The following AGXT2 variants were observed in gnomAD, a reference collection of about 807,000 sequenced individuals.
The protein encoded by AGXT2 is alanine--glyoxylate aminotransferase 2, mitochondrial.
Under a neutral mutation model 62.5 loss-of-function variants are expected in AGXT2, and 61 were observed. That is an observed-to-expected ratio of 0.98 (90% confidence interval 0.79 to 1.21). The LOEUF (loss-of-function observed/expected upper bound fraction) is 1.21, where lower values mean the gene tolerates loss of function less well. AGXT2 is among the 50% of genes most tolerant of loss of function. The pLI, the probability that AGXT2 is intolerant of heterozygous loss-of-function variation, is 0.00. For synonymous variants in AGXT2, 243 were observed against 218.7 expected, an observed-to-expected ratio of 1.11 and a Z score of -0.98; for missense variants, 666 against 641.5, an observed-to-expected ratio of 1.04 and a Z score of -0.41.
At chr5:35,017,357 C>G (rs1227906552) in intron 9 of AGXT2, among the ~76,000 whole-genome samples, 4 of 152,058 alleles carry the variant, frequency 2.6e-5, no homozygotes, top group African/African-American at 4.8e-5. Flanking sequence ...TGGCTGTGTC[C>G]CCACCCAAAT....
In AGXT2 at chr5:35,036,937, T is replaced by A; in HGVS notation, c.486+5A>T. On this transcript the variant is annotated splice_donor_5th_base_variant and intron_variant, in intron 4 of 13. Transcript: ENST00000231420. ...CATTCACCTCCTGCAGGAAGAGCAT[T>A]GTACCTTAAGAGGCTCAGGAAGAAG... The A allele has an allele frequency of 6.2e-7, 1 of 1,613,930 alleles. No individual in the cohort carries two copies. Among genetic ancestry groups the A allele is most frequent in the Non-Finnish European group, 8.5e-7 (1 of 1,179,962 alleles).
At chr5:35,014,592 G>T (rs963172067) in intron 9 of AGXT2, among the ~76,000 whole-genome samples, 27 of 151,826 alleles carry the variant, frequency 1.8e-4, no homozygotes, top group African/African-American at 6.1e-4. Context: ...CTTAATTTGT[G>T]CCTGAGCTAT....
chr5:35,045,953 C>G (rs534234723), intron 1 of AGXT2, among the ~76,000 whole-genome samples: 2 of 151,906 alleles, frequency 1.3e-5, no homozygotes, highest in East Asian at 3.9e-4. Context: ...ACTTTTAGTA[C>G]AGACAGGGTT....
At chr5:34,998,983 G>A (rs2112151859) in intron 13 of AGXT2, among the ~76,000 whole-genome samples, 157 bp from the exon 14 acceptor site, 1 of 152,184 alleles carries the variant, frequency 6.6e-6, no homozygotes, top group Non-Finnish European at 1.5e-5. Flanking sequence ...CTGAATCCAG[G>A]CCATTCACCC....
chr5:35,025,433 A>G (rs980501379), intron 9 of AGXT2, among the ~76,000 whole-genome samples: 1 of 152,192 alleles, frequency 6.6e-6, no homozygotes, highest in East Asian at 1.9e-4. Flanking sequence ...TAAATTTCCT[A>G]TGATGTTTGT....
chr5:35,033,029 CTGATTTCAA>C, intron 6 of AGXT2: 1 of 577,732 alleles, frequency 1.7e-6, no homozygotes. Context: ...ACAAAGGAAA[CTGATTTCAA>C]TGTTAGCCTG....
intron 5 of AGXT2, among the ~76,000 whole-genome samples, chr5:35,033,894 G>A (rs1427557863): frequency 1.3e-5 from 2 of 152,046 alleles, no homozygotes; most frequent in African/African-American, 2.4e-5. Context: ...ACCAGTCTTC[G>A]AAGTAGTCGC....
At chr5:35,022,533 T>C (rs1017787755) in intron 9 of AGXT2, among the ~76,000 whole-genome samples, 1 of 121,804 alleles carries the variant, frequency 8.2e-6, no homozygotes, top group African/African-American at 3.2e-5. Context: ...TGAGAACACG[T>C]GGACACAGGA....
chr5:35,030,907 TA>T (rs1767538735), intron 7 of AGXT2, among the ~76,000 whole-genome samples: 1 of 152,240 alleles, frequency 6.6e-6, no homozygotes. Context: ...TGTTTTTCTC[TA>T]CAAAAGTTCT....
At chr5:35,041,213 C>T (rs1291479225) in intron 1 of AGXT2, among the ~76,000 whole-genome samples, 1 of 104,626 alleles carries the variant, frequency 9.6e-6, no homozygotes, top group Non-Finnish European at 2.0e-5. Context: ...AAGACAAAAC[C>T]TCCCCCCGCC....
chr5:35,036,819 C>G (rs1477002417), intron 4 of AGXT2, 123 bp downstream of exon 4: 1 of 1,438,352 alleles, frequency 7.0e-7, no homozygotes, highest in African/African-American at 1.4e-5. Context: ...AATTCCCTGC[C>G]CATGTCCCTG....
intron 9 of AGXT2, among the ~76,000 whole-genome samples, chr5:35,019,944 C>T (rs1395146684): frequency 1.3e-5 from 2 of 152,238 alleles, no homozygotes; most frequent in Admixed American, 1.3e-4. Flanking sequence ...ACTACAACCA[C>T]CTCTATGCAA....
chr5:35,034,025 C>T (rs455423), intron 5 of AGXT2, among the ~76,000 whole-genome samples: 21,475 of 152,036 alleles, frequency 0.14, 3,191 homozygotes, highest in African/African-American at 0.38. Flanking sequence ...TTCTTTTGAA[C>T]GTGAAACAGT....
Position 34,998,756 on chromosome 5 carries a change from G to T in AGXT2, c.1508C>A (p.Ser503Tyr). The T allele has an allele frequency of 6.2e-7, 1 of 1,613,918 alleles. No homozygotes were observed. The highest frequency in any genetic ancestry group is 8.5e-7 in the Non-Finnish European group (1 of 1,179,900). Residue 503 changes from serine to tyrosine, a missense_variant, in exon 14 of 14, where the codon TCT becomes TAT. By Grantham distance (144) the Ser-to-Tyr change is moderately radical. Transcript: ENST00000231420. ...EVDFAVEVFR[S>Y]ALTQHMERRA... is the part of the protein sequence containing the mutation. ...TCTTTCCATGTGTTGGGTTAAGGCA[G>T]AACGAAATACTTCTACTGCAAAATC... is the stretch of plus-strand genomic sequence containing the variant.
intron 6 of AGXT2, chr5:35,033,109 T>A (rs999263334): frequency 1.8e-5 from 9 of 496,308 alleles, no homozygotes; most frequent in Non-Finnish European, 2.6e-5. Flanking sequence ...AATAATTAGG[T>A]ATCTGATTCA....
chr5:34,998,811 G>A lies in AGXT2; in HGVS notation c.1453C>T (p.Pro485Ser). 6.2e-7 allele frequency: 1 copy of A among 1,613,440 alleles called. No homozygotes were observed. Among genetic ancestry groups the A allele is most frequent in the South Asian group, 1.1e-5 (1 of 91,064 alleles). The change falls in exon 14 of 14, where the codon CCC becomes TCC. Residue 485 changes from proline (P) to serine (S), a missense_variant. Pro to Ser is a moderately conservative substitution (Grantham distance 74). Coordinates refer to ENST00000231420, the MANE Select transcript of AGXT2 (RefSeq NM_031900.4). Reference protein sequence around the residue: ...SIFSQTFRIAPSMCITKPEVD... With the variant: ...SIFSQTFRIASSMCITKPEVD... ...TCTGGTTTAGTGATGCACATTGAGGGCGCAATGCGAAATGTCTGAGGAGAC... is the reference window on the plus strand; with the variant it reads ...TCTGGTTTAGTGATGCACATTGAGGACGCAATGCGAAATGTCTGAGGAGAC...
At chr5:35,029,706 AAAG>A (rs1161391373) in intron 7 of AGXT2, among the ~76,000 whole-genome samples, 1 of 152,236 alleles carries the variant, frequency 6.6e-6, no homozygotes, top group Non-Finnish European at 1.5e-5. Context: ...TTGCCTTTCA[AAAG>A]AAGAAGAATG....
In AGXT2 at chr5:35,021,088, G is replaced by A. The variant is rs1180513461; in HGVS notation, c.963+4675C>T. On this transcript the variant is annotated intron_variant, in intron 9 of 13. Coordinates refer to ENST00000231420, the MANE Select transcript of AGXT2 (RefSeq NM_031900.4). Reference sequence around the variant, plus strand: ...GAAATAAAAGAAGATACAAACAAATGGAAGAATATTCCATGCTCATGGGCA... The same window carrying A: ...GAAATAAAAGAAGATACAAACAAATAGAAGAATATTCCATGCTCATGGGCA... Among the ~76,000 whole-genome samples, 5 of 152,268 alleles carry A rather than the reference G, an allele frequency of 3.3e-5. No individual in the cohort carries two copies. The East Asian group carries it at 9.7e-4, about 29-fold the overall frequency.
chr5:35,001,076 G>C (rs1766212077), intron 13 of AGXT2, among the ~76,000 whole-genome samples: 1 of 152,186 alleles, frequency 6.6e-6, no homozygotes, highest in South Asian at 2.1e-4. Flanking sequence ...AAGGTATGCT[G>C]GCTAAGCTAT....
Sources: gnomAD v4.1 joint callset for allele counts (sites outside exome capture counted in the v4.1 genomes callset) on GRCh38, gnomAD v4.1.1 for gene constraint, MANE v1.5 for transcripts, NCBI Gene and HGNC (gene_info 2026-07-23, HGNC 2026-07-21) for gene names.